PCNA: variants seen among roughly 807,000 people sequenced by gnomAD.
The protein encoded by PCNA is DNA sliding clamp PCNA.
Under a neutral mutation model 27.8 loss-of-function variants are expected in PCNA, and 4 were observed. The ratio of observed to expected loss-of-function variants is 0.14; its 90% CI spans 0.07 to 0.33. PCNA has a LOEUF of 0.33. Among genes scored for constraint, PCNA ranks in the 10% least tolerant of loss-of-function variants. PCNA has a pLI of 1.00. For missense variants in PCNA, 165 were observed against 327.4 expected, an observed-to-expected ratio of 0.50 and a Z score of 3.83; for synonymous variants, 121 against 119.4, an observed-to-expected ratio of 1.01 and a Z score of -0.09.
chr20:5,121,985 C>CTT (rs34987280), upstream of PCNA, among the ~76,000 whole-genome samples: 3 of 125,372 alleles, frequency 2.4e-5, no homozygotes, highest in Non-Finnish European at 3.5e-5. Context: ...TTTTCTTTTT[C>CTT]TTTTTTTTTT....
chr20:5,115,418 T>C, intron 5 of PCNA, 31 bp downstream of exon 5: 3 of 1,613,904 alleles, frequency 1.9e-6, no homozygotes, highest in Non-Finnish European at 1.7e-6. Flanking sequence ...TATGACTACC[T>C]ACAAAACAAG....
upstream of PCNA, among the ~76,000 whole-genome samples, chr20:5,122,892 A>G (rs912883645): frequency 1.3e-5 from 2 of 152,224 alleles, no homozygotes; most frequent in South Asian, 2.1e-4. Context: ...TTTCTGCTCT[A>G]TTACAGAAGT....
chr20:5,118,151 T>C (rs946006965), intron 3 of PCNA, among the ~76,000 whole-genome samples: 6 of 152,236 alleles, frequency 3.9e-5, no homozygotes, highest in Non-Finnish European at 4.4e-5. Flanking sequence ...CAACTGGCAG[T>C]AAACAATAAA....
upstream of PCNA, among the ~76,000 whole-genome samples, chr20:5,122,009 T>A (rs2090521795): frequency 6.7e-6 from 1 of 149,410 alleles, no homozygotes; most frequent in African/African-American, 2.5e-5. Context: ...TGAGACAGAG[T>A]CTCACTCTAT....
At chr20:5,121,211 C>T (rs1268102498), upstream of PCNA, among the ~76,000 whole-genome samples, 3 of 152,044 alleles carry the variant, frequency 2.0e-5, no homozygotes, top group South Asian at 2.1e-4. Flanking sequence ...CTTTTAATAC[C>T]TTGGTCAGCA....
intron 4 of PCNA, among the ~76,000 whole-genome samples, chr20:5,116,291 G>A (rs983647971): frequency 3.9e-5 from 6 of 151,994 alleles, no homozygotes; most frequent in African/African-American, 7.3e-5. Flanking sequence ...CTGCACCACC[G>A]CACTCCAGCC....
At chr20:5,118,581 A>G in intron 3 of PCNA, 29 bp downstream of exon 3, 3 of 1,438,366 alleles carry the variant, frequency 2.1e-6, no homozygotes, top group Non-Finnish European at 2.9e-6. Context: ...TGTGTACAGC[A>G]CTCTCTACAA....
Position 5,119,921 on chromosome 20 carries a change from A to G in PCNA, c.-123T>C. ...CGCGACGACCGGCTGAGACCTAGAA[A>G]GACAACGACCACTCTGCTACGCCTG... On this transcript the variant is annotated 5_prime_UTR_variant, in exon 1 of 6. Transcript: ENST00000379143. The G allele has an allele frequency of 2.8e-6, 2 of 727,200 alleles. No homozygotes were observed. The highest frequency in any genetic ancestry group is 2.3e-6 in the Non-Finnish European group (1 of 431,398). The allele number at this position is 727,200 out of a possible 1,614,324, so 45.0% of individuals were successfully genotyped here.
intron 1 of PCNA, among the ~76,000 whole-genome samples, chr20:5,125,627 T>A (rs924109093): frequency 1.3e-5 from 2 of 152,204 alleles, no homozygotes; most frequent in Non-Finnish European, 2.9e-5. Flanking sequence ...TTACATCACT[T>A]ACAGGGCAGT....
At position 5,119,851 on chromosome 20, in the gene PCNA, T is replaced by C. The variant is rs758579775; in HGVS notation, c.-53A>G. 18 of 1,442,218 alleles carry C rather than the reference T, an allele frequency of 1.2e-5. No individual in the cohort carries two copies. Among genetic ancestry groups the C allele is most frequent in the East Asian group, 2.5e-5 (1 of 40,380 alleles). The allele number at this position is 1,442,218 out of a possible 1,614,324, so 89.3% of individuals were successfully genotyped here. A position where few individuals can be genotyped will look rare whatever the true frequency, so the allele number is the denominator to read the frequency against. ...CAGGCAGGCGGGAAGGAGGAAAGTC[T>C]AGCTGGTTTCGGCTTCAGGAGCCTC... On this transcript the variant is annotated 5_prime_UTR_variant, in exon 1 of 6. Coordinates refer to ENST00000379143, the MANE Select transcript of PCNA (RefSeq NM_182649.2).
upstream of PCNA, among the ~76,000 whole-genome samples, chr20:5,120,461 C>T (rs1169159283): frequency 6.6e-6 from 1 of 152,182 alleles, no homozygotes; most frequent in Non-Finnish European, 1.5e-5. Flanking sequence ...CCCTATCATC[C>T]TCTTAACATT....
At chr20:5,115,868 T>C (rs138096912) in intron 4 of PCNA, among the ~76,000 whole-genome samples, 2 of 152,300 alleles carry the variant, frequency 1.3e-5, no homozygotes, top group African/African-American at 4.8e-5. Flanking sequence ...AAACTCTAAT[T>C]AATGACTTAA....
chr20:5,119,082 G>C (rs1249697172), intron 1 of PCNA, among the ~76,000 whole-genome samples: 2 of 152,082 alleles, frequency 1.3e-5, no homozygotes, highest in African/African-American at 4.8e-5. Context: ...TGTCCCTTCT[G>C]GATAGAAACA....
chr20:5,117,727 C>A lies in PCNA; in HGVS notation c.388-63G>T, dbSNP rs527371548. The A allele has an allele frequency of 7.6e-6, 8 of 1,046,862 alleles. No individual in the cohort carries two copies. The South Asian group carries it at 1.1e-4, about 14-fold the overall frequency. The allele number at this position is 1,046,862 out of a possible 1,614,324, so 64.8% of individuals were successfully genotyped here. A position where few individuals can be genotyped will look rare whatever the true frequency, so the allele number is the denominator to read the frequency against. ...GAAATTTAATGATTTGGCACCCTCA[C>A]TTTCTTAAAAGGCAACACCTAAACA... is the stretch of plus-strand genomic sequence containing the variant. On this transcript the variant is annotated intron_variant, in intron 3 of 5. Coordinates refer to ENST00000379143, the MANE Select transcript of PCNA (RefSeq NM_182649.2).
chr20:5,119,930 C>A lies in PCNA; in HGVS notation c.-132G>T. On this transcript the variant is annotated 5_prime_UTR_variant, in exon 1 of 6. Transcript: ENST00000379143. ...CGGCTGAGACCTAGAAAGACAACGACCACTCTGCTACGCCTGCAACCGTTT... is the reference window on the plus strand; with the variant it reads ...CGGCTGAGACCTAGAAAGACAACGAACACTCTGCTACGCCTGCAACCGTTT... The A allele has an allele frequency of 1.4e-6, 1 of 695,408 alleles. No homozygotes were observed. The highest frequency in any genetic ancestry group is 2.5e-6 in the Non-Finnish European group (1 of 406,650). The allele number at this position is 695,408 out of a possible 1,614,324, so 43.1% of individuals were successfully genotyped here. A position where few individuals can be genotyped will look rare whatever the true frequency, so the allele number is the denominator to read the frequency against.
intron 1 of PCNA, 25 bp downstream of exon 1, chr20:5,119,553 G>C: frequency 6.3e-7 from 1 of 1,591,890 alleles, no homozygotes; most frequent in Non-Finnish European, 8.6e-7. Context: ...GGCCGGGGCC[G>C]GCTTCCCGGG....
chr20:5,123,446 G>A (rs761814293), upstream of PCNA, among the ~76,000 whole-genome samples: 1 of 152,192 alleles, frequency 6.6e-6, no homozygotes, highest in Non-Finnish European at 1.5e-5. Context: ...TGTAATCCCA[G>A]AACTTTGGGA....
chr20:5,120,425 G>A (rs936614150), upstream of PCNA, among the ~76,000 whole-genome samples: 1 of 152,224 alleles, frequency 6.6e-6, no homozygotes, highest in African/African-American at 2.4e-5. Flanking sequence ...AAGATAAAGA[G>A]GTGAATTGTT....
At chr20:5,126,372 G>C (rs2090548526) in intron 1 of PCNA, 2 of 152,248 alleles carry the variant, frequency 1.3e-5, no homozygotes, top group African/African-American at 4.8e-5. Context: ...AAGTACTAGC[G>C]ACCGCTTGGC....
Sources: allele counts gnomAD v4.1 joint callset (sites outside exome capture counted in the v4.1 genomes callset), GRCh38; gene constraint gnomAD v4.1.1; transcripts MANE v1.5; gene names NCBI Gene and HGNC (gene_info 2026-07-23, HGNC 2026-07-21).